Variants in EYS observed in about 807,000 individuals in gnomAD.
The protein encoded by EYS is protein eyes shut homolog.
In EYS, 250 loss-of-function variants were observed where a neutral mutation model predicts 282.1. The ratio of observed to expected loss-of-function variants is 0.89; its 90% confidence interval spans 0.80 to 0.98. EYS has a LOEUF of 0.98. EYS is among the 50% of genes least tolerant of loss of function. The probability of loss-of-function intolerance (pLI) is 0.00; values close to 1 mark genes in which losing one functional copy is unlikely to be tolerated. For missense variants in EYS, 4,016 were observed against 3,709.0 expected, an observed-to-expected ratio of 1.08 and a Z score of -2.15; for synonymous variants, 1,355 against 1,282.9, an observed-to-expected ratio of 1.06 and a Z score of -1.20.
At chr6:64,663,565 T>C (rs887350880) in intron 22 of EYS, among the ~76,000 whole-genome samples, 2 of 152,170 alleles carry the variant, frequency 1.3e-5, no homozygotes, top group Non-Finnish European at 2.9e-5. Context: ...TGGCTGATGA[T>C]GTATTACCAA....
chr6:63,838,459 T>C (rs1771865934), intron 36 of EYS, among the ~76,000 whole-genome samples: 1 of 152,188 alleles, frequency 6.6e-6, no homozygotes, highest in Admixed American at 6.6e-5. Context: ...TAAGGGCTTC[T>C]CCAGAGACAG....
At chr6:64,169,855 T>C (rs1192686939) in intron 31 of EYS, among the ~76,000 whole-genome samples, 2 of 151,954 alleles carry the variant, frequency 1.3e-5, no homozygotes, top group East Asian at 3.9e-4. Flanking sequence ...TGCACAGGAG[T>C]AAGCCTTAGA....
chr6:65,275,596 C>T (rs1225469156), intron 12 of EYS, among the ~76,000 whole-genome samples: 2 of 152,136 alleles, frequency 1.3e-5, no homozygotes, highest in Non-Finnish European at 2.9e-5. Context: ...CCAGGTTGTT[C>T]CCTGCGCTTG....
chr6:65,414,590 T>C (rs188635539), intron 5 of EYS, among the ~76,000 whole-genome samples: 1 of 152,170 alleles, frequency 6.6e-6, no homozygotes, highest in African/African-American at 2.4e-5. Context: ...CTTTTTTTTT[T>C]ATGTAAGTAA....
chr6:64,678,419 A>C (rs1489759186), intron 22 of EYS, among the ~76,000 whole-genome samples: 1 of 150,306 alleles, frequency 6.7e-6, no homozygotes, highest in African/African-American at 2.4e-5. Flanking sequence ...CTCTACTAAA[A>C]ATACAAACAT....
At chr6:64,244,246 A>C (rs1291673682) in intron 30 of EYS, among the ~76,000 whole-genome samples, 1 of 152,162 alleles carries the variant, frequency 6.6e-6, no homozygotes, top group Non-Finnish European at 1.5e-5. Context: ...CTTATAGGAG[A>C]TAATCCTATA....
chr6:65,696,950 T>C (rs1270164429), intron 1 of EYS, among the ~76,000 whole-genome samples: 4 of 152,006 alleles, frequency 2.6e-5, no homozygotes, highest in Non-Finnish European at 5.9e-5. Flanking sequence ...AAATACACCA[T>C]ATTGAATTCT....
intron 12 of EYS, among the ~76,000 whole-genome samples, chr6:65,197,550 A>T (rs1299496485): frequency 6.6e-6 from 1 of 152,088 alleles, no homozygotes. Flanking sequence ...AGCCACATTG[A>T]TGACATTAGA....
intron 31 of EYS, among the ~76,000 whole-genome samples, chr6:64,117,833 C>G (rs1773441841): frequency 2.0e-5 from 3 of 152,002 alleles, no homozygotes; most frequent in Admixed American, 6.5e-5. Flanking sequence ...CCTCTTAGAA[C>G]TGACAATGAT....
chr6:64,402,806 T>A (rs1428803424), intron 28 of EYS, among the ~76,000 whole-genome samples: 1 of 152,236 alleles, frequency 6.6e-6, no homozygotes, highest in East Asian at 1.9e-4. Flanking sequence ...TTAAGAACCG[T>A]GTAAATAGAC....
At chr6:65,526,345 A>C (rs1767563383) in intron 2 of EYS, among the ~76,000 whole-genome samples, 1 of 152,160 alleles carries the variant, frequency 6.6e-6, no homozygotes, top group Non-Finnish European at 1.5e-5. Flanking sequence ...TGTAAGTAAA[A>C]TTTTGAGAAG....
chr6:65,619,585 A>T (rs2149800859), intron 2 of EYS, among the ~76,000 whole-genome samples: 1 of 151,940 alleles, frequency 6.6e-6, no homozygotes, highest in East Asian at 1.9e-4. Context: ...AACTTCCAAC[A>T]CTATGTTGAA....
chr6:63,936,216 A>T (rs1254121324), intron 35 of EYS, among the ~76,000 whole-genome samples: 9 of 152,208 alleles, frequency 5.9e-5, no homozygotes, highest in Admixed American at 5.9e-4. Context: ...ATGAGAGTCT[A>T]TTATGGGCTG....
chr6:63,781,932 C>A (rs141485222), intron 39 of EYS, among the ~76,000 whole-genome samples: 1,839 of 152,198 alleles, frequency 0.012, 30 homozygotes, highest in African/African-American at 0.043. Flanking sequence ...CCATCAATAC[C>A]TAGTTTATTG....
chr6:65,413,784 A>G (rs1369116442), intron 5 of EYS, among the ~76,000 whole-genome samples: 2 of 152,038 alleles, frequency 1.3e-5, no homozygotes, highest in African/African-American at 4.8e-5. Context: ...AGAACCCAGG[A>G]GGCAGAGCTT....
intron 5 of EYS, among the ~76,000 whole-genome samples, chr6:65,477,865 T>C (rs1012394723): frequency 2.0e-5 from 3 of 152,190 alleles, no homozygotes; most frequent in African/African-American, 7.2e-5. Flanking sequence ...GTTCTACACA[T>C]GGCCATAAGA....
intron 36 of EYS, among the ~76,000 whole-genome samples, chr6:63,841,683 A>G (rs1771963951): frequency 6.6e-6 from 1 of 152,154 alleles, no homozygotes; most frequent in Admixed American, 6.5e-5. Context: ...ATAGGTGTAC[A>G]TGTGCCATGG....
chr6:65,324,323 A>C (rs1036354616), intron 11 of EYS, among the ~76,000 whole-genome samples: 1 of 152,216 alleles, frequency 6.6e-6, no homozygotes, highest in Non-Finnish European at 1.5e-5. Flanking sequence ...TTCCAGGCCC[A>C]AAACAGATCC....
In EYS at chr6:64,912,625, C is replaced by A. The variant is rs112464110; in HGVS notation, c.2500G>T (p.Val834Leu). ...CHESTIPGQF[V>L]CLCPPLYTGQ... ...GTATAAAGGGGTGGGCACAGACATA[C>A]AAATTGTCCAGGGATGGTAGATTCA... The change falls in exon 16 of 43, where the codon GTA (valine) becomes TTA (leucine). Residue 834 changes from valine (V) to leucine (L), a missense_variant. Transcript: ENST00000503581. The A allele has an allele frequency of 1.3e-6, 2 of 1,550,962 alleles. No homozygotes were observed. Among genetic ancestry groups the A allele is most frequent in the Admixed American group, 3.9e-5 (2 of 50,928 alleles).
Sources: allele counts gnomAD v4.1 joint callset (sites outside exome capture counted in the v4.1 genomes callset), GRCh38; gene constraint gnomAD v4.1.1; transcripts MANE v1.5; gene names NCBI Gene and HGNC (gene_info 2026-07-23, HGNC 2026-07-21).